Variants in ANKRD42 observed in about 807,000 individuals in gnomAD.
ANKRD42 encodes the protein ankyrin repeat domain 42.
Under a neutral mutation model 51.5 loss-of-function variants are expected in ANKRD42, and 43 were observed. The observed-to-expected ratio is 0.83, with a 90% CI of 0.65 to 1.08. The LOEUF (loss-of-function observed/expected upper bound fraction) is 1.08. ANKRD42 is among the 50% of genes least tolerant of loss of function. ANKRD42 has a pLI of 0.00. For synonymous variants in ANKRD42, 203 were observed against 213.0 expected (o/e 0.95, Z 0.41); for missense variants, 608 against 629.3 (o/e 0.97, Z 0.36).
At chr11:83,221,050 A>G (rs1477545577) in intron 5 of ANKRD42, among the ~76,000 whole-genome samples, 3 of 151,134 alleles carry the variant, frequency 2.0e-5, no homozygotes, top group Non-Finnish European at 2.9e-5. Context: ...ATAATTTTCT[A>G]TTTCTTGTAG....
chr11:83,212,054 C>G (rs980249972), intron 5 of ANKRD42, among the ~76,000 whole-genome samples: 5 of 151,978 alleles, frequency 3.3e-5, no homozygotes, highest in African/African-American at 1.2e-4. Flanking sequence ...TCACCTCTCT[C>G]TGCCCCATAG....
intron 11 of ANKRD42, among the ~76,000 whole-genome samples, chr11:83,254,539 C>T (rs1191075499): frequency 1.3e-5 from 2 of 148,838 alleles, no homozygotes; most frequent in African/African-American, 2.5e-5. Context: ...TCAAGCGATT[C>T]TCCTGCCTCA....
At chr11:83,230,006 C>A (rs560127168) in intron 7 of ANKRD42, among the ~76,000 whole-genome samples, 1 of 152,210 alleles carries the variant, frequency 6.6e-6, no homozygotes, top group East Asian at 1.9e-4. Flanking sequence ...ATCCAGTTAC[C>A]TTCTTTTAGT....
Position 83,248,966 on chromosome 11 carries a change from A to C in ANKRD42, c.*762A>C. On this transcript the variant is annotated 3_prime_UTR_variant, in exon 11 of 11. Transcript: ENST00000533342. ...TTTCCAAGAAATATAATTAACTATA[A>C]TAATTAATCTATTCTCTTCATTTTG... 1.0e-6 allele frequency: 1 copy of C among 983,658 alleles called. No homozygotes were observed. The highest frequency in any genetic ancestry group is 6.1e-5 in the Admixed American group (1 of 16,280). 60.9% of individuals were successfully genotyped at this position (983,658 alleles called of 1,614,324 possible).
intron 6 of ANKRD42, among the ~76,000 whole-genome samples, chr11:83,226,481 A>T (rs1256915475): frequency 6.6e-6 from 1 of 152,162 alleles, no homozygotes; most frequent in Non-Finnish European, 1.5e-5. Flanking sequence ...AGCTATTCTC[A>T]TTTTTACATA....
At chr11:83,256,306 T>C (rs1033456330), downstream of ANKRD42, among the ~76,000 whole-genome samples, 4 of 152,048 alleles carry the variant, frequency 2.6e-5, no homozygotes, top group Admixed American at 6.5e-5. Flanking sequence ...TATATTTCTT[T>C]CACTTTCTAG....
downstream of ANKRD42, among the ~76,000 whole-genome samples, chr11:83,264,154 G>A (rs1864102754): frequency 6.6e-6 from 1 of 152,096 alleles, no homozygotes; most frequent in South Asian, 2.1e-4. Context: ...GTTCAATACA[G>A]TATTGTCCTT....
intron 5 of ANKRD42, chr11:83,213,385 G>T: frequency 2.5e-6 from 4 of 1,572,564 alleles, no homozygotes; most frequent in Non-Finnish European, 2.6e-6. Flanking sequence ...GCCAGGCTGC[G>T]CAGTGAAGAA....
At chr11:83,219,585 T>C (rs114839664) in intron 5 of ANKRD42, among the ~76,000 whole-genome samples, 1,777 of 152,322 alleles carry the variant, frequency 0.012, 26 homozygotes, top group African/African-American at 0.038. Context: ...AGTAAGCCCC[T>C]CTCTCAAGGC....
intron 2 of ANKRD42, among the ~76,000 whole-genome samples, chr11:83,199,638 T>G (rs1861792332): frequency 6.6e-6 from 1 of 152,220 alleles, no homozygotes; most frequent in South Asian, 2.1e-4. Flanking sequence ...CTAGCACTTT[T>G]CTCATGATTC....
At chr11:83,226,919 G>A (rs899953253) in intron 6 of ANKRD42, among the ~76,000 whole-genome samples, 1 of 152,132 alleles carries the variant, frequency 6.6e-6, no homozygotes, top group African/African-American at 2.4e-5. Context: ...GATGTGCATA[G>A]GTTTATATGT....
intron 6 of ANKRD42, 37 bp downstream of exon 6, chr11:83,225,092 G>T: frequency 1.4e-6 from 2 of 1,396,944 alleles, no homozygotes; most frequent in South Asian, 1.3e-5. Context: ...CATATAATGT[G>T]ATGATGATGA....
intron 5 of ANKRD42, chr11:83,213,207 A>G: frequency 1.9e-6 from 3 of 1,600,326 alleles, no homozygotes; most frequent in Non-Finnish European, 1.7e-6. Flanking sequence ...AAAACAAAGC[A>G]CATGCTGCCT....
intron 7 of ANKRD42, among the ~76,000 whole-genome samples, chr11:83,231,514 C>G (rs1048134304): frequency 2.0e-5 from 3 of 152,230 alleles, no homozygotes; most frequent in African/African-American, 7.2e-5. Flanking sequence ...TGGGTTGTCT[C>G]TTCACTTTGT....
At chr11:83,214,209 A>G (rs1862440098) in intron 5 of ANKRD42, 1 of 164,474 alleles carries the variant, frequency 6.1e-6, no homozygotes, top group Non-Finnish European at 1.3e-5. Context: ...ATTTTAACGT[A>G]GTCCATTTTA....
At chr11:83,258,536 C>A (rs1863811498), downstream of ANKRD42, among the ~76,000 whole-genome samples, 1 of 152,094 alleles carries the variant, frequency 6.6e-6, no homozygotes, top group African/African-American at 2.4e-5. Flanking sequence ...GGACAAGTTA[C>A]TTCACTTGGC....
chr11:83,198,926 G>A (rs576810680), intron 2 of ANKRD42, among the ~76,000 whole-genome samples: 5 of 152,150 alleles, frequency 3.3e-5, no homozygotes, highest in Non-Finnish European at 7.4e-5. Context: ...GCTTCAGCTG[G>A]AATATTAAAA....
chr11:83,211,241 G>A (rs1462096216), intron 4 of ANKRD42, 54 bp from the exon 5 acceptor site: 7 of 1,605,196 alleles, frequency 4.4e-6, no homozygotes, highest in Non-Finnish European at 5.1e-6. Context: ...GCTAGGCTTA[G>A]TATTTCCCCT....
chr11:83,207,322 C>T lies in ANKRD42; in HGVS notation c.330+1157C>T, dbSNP rs528576903. Among the ~76,000 whole-genome samples, 11 of 152,318 alleles carry T rather than the reference C, an allele frequency of 7.2e-5. No individual in the cohort carries two copies. In the East Asian group the frequency reaches 1.7e-3, roughly 24 times the overall value. On this transcript the variant is annotated intron_variant, in intron 3 of 10. Transcript: ENST00000533342. ...TTTGAGGGGGAACACAGCCAATGTACATCACAGTTCCTGCCAGGAAGAAGC... is the reference window on the plus strand; with the variant it reads ...TTTGAGGGGGAACACAGCCAATGTATATCACAGTTCCTGCCAGGAAGAAGC...
Sources: allele counts gnomAD v4.1 joint callset (sites outside exome capture counted in the v4.1 genomes callset), GRCh38; gene constraint gnomAD v4.1.1; transcripts MANE v1.5; gene names NCBI Gene and HGNC (gene_info 2026-07-23, HGNC 2026-07-21).